Variants in EML4 observed in about 807,000 individuals in gnomAD.
EML4 encodes the protein EMAP like 4.
In EML4, 72 loss-of-function variants were observed where a neutral mutation model predicts 129.0. That is an observed-to-expected ratio of 0.56 (90% CI 0.46 to 0.68). The LOEUF (loss-of-function observed/expected upper bound fraction) is 0.68. Among genes scored for constraint, EML4 ranks in the 30% least tolerant of loss-of-function variants. EML4 has a pLI of 0.00. For synonymous variants in EML4, 532 were observed against 405.0 expected (o/e 1.31, Z -3.77); for missense variants, 1,363 against 1,190.6 (o/e 1.14, Z -2.13).
At chr2:42,222,178 G>A (rs1673647197) in intron 1 of EML4, among the ~76,000 whole-genome samples, 2 of 152,126 alleles carry the variant, frequency 1.3e-5, no homozygotes, top group South Asian at 4.1e-4. Flanking sequence ...CATTTGAGAG[G>A]AGATAGTTTT....
At chr2:42,293,676 A>T (rs1192626795) in intron 11 of EML4, among the ~76,000 whole-genome samples, 1 of 152,144 alleles carries the variant, frequency 6.6e-6, no homozygotes, top group Admixed American at 6.5e-5. Context: ...CAGTGGTGCA[A>T]TCTCAGCTCA....
intron 6 of EML4, among the ~76,000 whole-genome samples, chr2:42,275,707 GCTTGTCTTCT>G (rs1477877561): frequency 2.0e-5 from 3 of 152,178 alleles, no homozygotes; most frequent in Non-Finnish European, 4.4e-5. Flanking sequence ...GTATCACAAA[GCTTGTCTTCT>G]CTTCACTCCC....
At chr2:42,283,898 G>T (rs1667149090) in intron 8 of EML4, among the ~76,000 whole-genome samples, 1 of 152,194 alleles carries the variant, frequency 6.6e-6, no homozygotes, top group South Asian at 2.1e-4. Context: ...ATATCCCTCT[G>T]ATGTGTTCTT....
At chr2:42,261,807 C>G (rs1665756719) in intron 4 of EML4, among the ~76,000 whole-genome samples, 1 of 152,112 alleles carries the variant, frequency 6.6e-6, no homozygotes, top group Non-Finnish European at 1.5e-5. Flanking sequence ...GAAATGAATC[C>G]ATTTCACCTG....
In EML4 at chr2:42,317,512, T is replaced by C. The variant is rs767389432; in HGVS notation, c.2142T>C (p.Tyr714=). ...AAAATGGAAGAAAATATAGCAGATA[T>C]GGAAGGTGCACTGTAAGTAGTGAAG... ...VSENGRKYSR[Y]GRCTGHSSYI... is the part of the protein sequence containing the mutation. The change falls in exon 19 of 23, where the codon TAT becomes TAC. Residue 714 remains tyrosine (Y), a synonymous_variant. Transcript: ENST00000318522. The C allele has an allele frequency of 3.1e-6, 5 of 1,607,684 alleles. No homozygotes were observed. Among genetic ancestry groups the C allele is most frequent in the Non-Finnish European group, 4.3e-6 (5 of 1,176,008 alleles).
rs1463078719 is a variant in EML4, at chr2:42,331,969, A to G, written c.*1762A>G. 5 of 216,162 alleles carry G rather than the reference A, an allele frequency of 2.3e-5. No homozygotes were observed. The East Asian group carries it at 3.4e-4, about 15-fold the overall frequency. 13.4% of individuals were successfully genotyped at this position (216,162 alleles called of 1,614,324 possible). A position where few individuals can be genotyped will look rare whatever the true frequency, so the allele number is the denominator to read the frequency against. On this transcript the variant is annotated 3_prime_UTR_variant, in exon 23 of 23. Coordinates refer to ENST00000318522, the MANE Select transcript of EML4 (RefSeq NM_019063.5). ...TCAAAATAGTTCTCTTCAAAAGAAG[A>G]GAGATTCCAAGCAACCCATCTTTCT...
chr2:42,264,162 C>T (rs1665921369), intron 5 of EML4, among the ~76,000 whole-genome samples: 1 of 136,442 alleles, frequency 7.3e-6, no homozygotes, highest in South Asian at 2.3e-4. Context: ...GGCTGGAGTG[C>T]CATGGCACCA....
At chr2:42,258,801 A>G (rs1379855905) in intron 3 of EML4, among the ~76,000 whole-genome samples, 2 of 152,262 alleles carry the variant, frequency 1.3e-5, no homozygotes, top group African/African-American at 4.8e-5. Flanking sequence ...CATCAGGTTA[A>G]GAAATGTCAC....
intron 1 of EML4, among the ~76,000 whole-genome samples, chr2:42,186,309 G>T (rs534650963): frequency 1.3e-5 from 2 of 151,402 alleles, no homozygotes; most frequent in African/African-American, 4.8e-5. Flanking sequence ...CAATGAATTT[G>T]ATTTTTGACT....
chr2:42,324,896 T>TG (rs1669704783), intron 19 of EML4, among the ~76,000 whole-genome samples: 1 of 152,208 alleles, frequency 6.6e-6, no homozygotes, highest in Non-Finnish European at 1.5e-5. Context: ...TAAGGAATCA[T>TG]GATTTTATTG....
chr2:42,301,641 T>C (rs1668293088), intron 14 of EML4, among the ~76,000 whole-genome samples: 1 of 152,042 alleles, frequency 6.6e-6, no homozygotes, highest in Admixed American at 6.6e-5. Flanking sequence ...CCAGAGCAAA[T>C]GTCACAAAGT....
At chr2:42,285,944 ATC>A (rs1667282880) in intron 9 of EML4, 1 of 296,130 alleles carries the variant, frequency 3.4e-6, no homozygotes, top group African/African-American at 2.1e-5. Context: ...AGTTATTTAA[ATC>A]TCTGTATTCC....
chr2:42,240,711 A>G (rs1173359833), intron 1 of EML4, among the ~76,000 whole-genome samples: 2 of 152,354 alleles, frequency 1.3e-5, no homozygotes, highest in East Asian at 1.9e-4. Flanking sequence ...GAACATCACT[A>G]TAGGATAGCA....
intron 1 of EML4, among the ~76,000 whole-genome samples, chr2:42,215,926 T>G (rs1673157331): frequency 6.6e-6 from 1 of 152,106 alleles, no homozygotes; most frequent in Admixed American, 6.6e-5. Flanking sequence ...ATCTTTTTTT[T>G]TTCTTTTTTT....
intron 6 of EML4, among the ~76,000 whole-genome samples, chr2:42,268,477 C>G (rs1040440922): frequency 2.0e-5 from 3 of 152,110 alleles, no homozygotes; most frequent in Non-Finnish European, 2.9e-5. Context: ...CTCACTCTGC[C>G]ACCGAGGCTG....
intron 6 of EML4, among the ~76,000 whole-genome samples, chr2:42,274,526 G>T (rs1422777402): frequency 1.3e-5 from 2 of 152,118 alleles, no homozygotes; most frequent in African/African-American, 4.8e-5. Context: ...AATGGAGTAT[G>T]CCCAGAGCCA....
intron 1 of EML4, among the ~76,000 whole-genome samples, chr2:42,201,548 T>C (rs989164366): frequency 6.6e-6 from 1 of 152,196 alleles, no homozygotes. Context: ...ATGCCTGCAC[T>C]CTCATGTTCA....
rs1321219948 is a variant in EML4, at chr2:42,194,346, TC to T, written c.25+24711del. Reference sequence around the variant, plus strand: ...TCTGTATTTTTCACTTCTCTCTCTCTCTTTTTTTTTTTTTTGCACTGGATAA... The same window carrying T: ...TCTGTATTTTTCACTTCTCTCTCTCTTTTTTTTTTTTTTTGCACTGGATAA... On this transcript the variant is annotated intron_variant, in intron 1 of 22. Transcript: ENST00000318522. Among the ~76,000 whole-genome samples the T allele has an allele frequency of 1.3e-4, 14 of 106,332 alleles. No homozygotes were observed. In the East Asian group the frequency reaches 2.6e-3, roughly 20 times the overall value. The allele number at this position is 106,332 out of a possible 152,430, so 69.8% of individuals were successfully genotyped here.
chr2:42,286,481 G>A (rs1160817329), intron 10 of EML4, 102 bp downstream of exon 10: 2 of 715,538 alleles, frequency 2.8e-6, no homozygotes, highest in Non-Finnish European at 2.5e-6. Flanking sequence ...ATAATCCTGA[G>A]TTGAAAAATG....
Sources: allele counts gnomAD v4.1 joint callset (sites outside exome capture counted in the v4.1 genomes callset), GRCh38; gene constraint gnomAD v4.1.1; transcripts MANE v1.5; gene names NCBI Gene and HGNC (gene_info 2026-07-23, HGNC 2026-07-21).